The following ERC1 variants were observed in gnomAD, a reference collection of about 807,000 sequenced individuals.
ERC1 encodes RAB6 interacting protein 2.
Under a neutral mutation model 132.0 loss-of-function variants are expected in ERC1, and 56 were observed. That is an observed-to-expected ratio of 0.42 (90% confidence interval 0.34 to 0.53). The LOEUF (loss-of-function observed/expected upper bound fraction) is 0.53, where lower values mean the gene tolerates loss of function less well. ERC1 is among the 20% of genes least tolerant of loss of function. The pLI is 0.03. For missense variants in ERC1, 1,202 were observed against 1,349.9 expected (o/e 0.89, Z 1.72); for synonymous variants, 478 against 476.1 (o/e 1.00, Z -0.05).
At chr12:1,204,078 A>G (rs553581375) in intron 12 of ERC1, 2 of 157,032 alleles carry the variant, frequency 1.3e-5, no homozygotes, top group South Asian at 4.0e-4. Context: ...GGGGTGGTTA[A>G]GGCGTAGTTA....
chr12:1,081,995 G>A (rs57474578), intron 2 of ERC1, among the ~76,000 whole-genome samples: 1 of 150,966 alleles, frequency 6.6e-6, no homozygotes, highest in African/African-American at 2.4e-5. Flanking sequence ...ATACTTAAAA[G>A]TCATTTTGTA....
At chr12:1,252,563 A>G (rs1005967985) in intron 13 of ERC1, among the ~76,000 whole-genome samples, 2 of 152,202 alleles carry the variant, frequency 1.3e-5, no homozygotes, top group Non-Finnish European at 2.9e-5. Context: ...GATATAAAGC[A>G]TCATTTTTAT....
rs764430579 is a variant in ERC1 at position 1,183,296 on chromosome 12, C to T, written c.2032C>T (p.Leu678=). 23 of 1,560,908 alleles carry T rather than the reference C, an allele frequency of 1.5e-5. No homozygotes were observed. Among genetic ancestry groups the T allele is most frequent in the African/African-American group, 4.0e-5 (3 of 74,184 alleles). ...LSEKEASLLD[L]KEHASSLASS... The stretch of plus-strand genomic sequence containing the variant: ...CTTCTTTTAGGCTTCACTTTTGGAT[C>T]TGAAAGAGCATGCTTCTTCTCTGGC... The change falls in exon 11 of 19, where the codon CTG becomes TTG. Residue 678 remains leucine, a synonymous_variant. Transcript: ENST00000360905.
rs1244773269 is a variant in ERC1, at chr12:1,407,819, T to TCTC, written c.2926-328_2926-327insCCT. Among the ~76,000 whole-genome samples, 3 of 151,640 alleles carry TCTC rather than the reference T, an allele frequency of 2.0e-5. No homozygotes were observed. In the East Asian group the frequency reaches 5.8e-4, roughly 29 times the overall value. On this transcript the variant is annotated intron_variant, in intron 16 of 18. Transcript: ENST00000360905. ...ATAAAGAGAAATCCCTCTATTTTTCTCTTCTTCTTCTTACGAAGCCCAGTC... is the reference window on the plus strand; with the variant it reads ...ATAAAGAGAAATCCCTCTATTTTTCTCTCCTTCTTCTTCTTACGAAGCCCAGTC...
intron 12 of ERC1, among the ~76,000 whole-genome samples, chr12:1,234,954 G>A (rs1007318813): frequency 3.3e-5 from 5 of 152,146 alleles, no homozygotes; most frequent in Non-Finnish European, 5.9e-5. Flanking sequence ...TGACTGCAAC[G>A]TGAAAGACAA....
intron 17 of ERC1, chr12:1,410,358 C>T: frequency 9.1e-7 from 1 of 1,098,784 alleles, no homozygotes; most frequent in Non-Finnish European, 1.2e-6. Context: ...TGCCCTGGGG[C>T]ATTGCCCCCT....
Position 1,227,323 on chromosome 12 carries a change from C to T in ERC1, c.2352-9446C>T, listed in dbSNP as rs553616749. Among the ~76,000 whole-genome samples, 129 of 152,324 alleles carry T rather than the reference C, an allele frequency of 8.5e-4. 2 individuals carry two copies. The highest frequency in any genetic ancestry group is 3.4e-3 in the Middle Eastern group (1 of 294). ...TTTTGTCTTTTTCATAGTATCCATT[C>T]TAACTGGTATGAGGTGATATCTCAT... On this transcript the variant is annotated intron_variant, in intron 12 of 18. Transcript: ENST00000360905.
At chr12:1,370,833 A>G (rs1321657441) in intron 15 of ERC1, among the ~76,000 whole-genome samples, 1 of 151,954 alleles carries the variant, frequency 6.6e-6, no homozygotes, top group Non-Finnish European at 1.5e-5. Context: ...AGATCCTCCT[A>G]CCTTAGTCTC....
chr12:1,142,696 G>T (rs1409666811), intron 8 of ERC1, among the ~76,000 whole-genome samples: 1 of 152,214 alleles, frequency 6.6e-6, no homozygotes, highest in African/African-American at 2.4e-5. Context: ...AACAATGTCA[G>T]TGTAGTTGGA....
At chr12:1,146,308 G>GTTTTT (rs1172108036) in intron 8 of ERC1, among the ~76,000 whole-genome samples, 1,611 of 31,480 alleles carry the variant, frequency 0.051, 192 homozygotes, top group Non-Finnish European at 0.072. Context: ...TATTTTACTG[G>GTTTTT]TTTTTTTTTT....
intron 18 of ERC1, chr12:1,480,723 CAGGTGTGGGAGG>C (rs1167896708): frequency 3.1e-6 from 2 of 641,910 alleles, no homozygotes; most frequent in Admixed American, 2.1e-5. Flanking sequence ...GGAAGATAAG[CAGGTGTGGGAGG>C]GGGTGTGGGT....
chr12:1,436,554 T>C (rs58310508), intron 17 of ERC1, among the ~76,000 whole-genome samples: 6,827 of 152,294 alleles, frequency 0.045, 492 homozygotes, highest in African/African-American at 0.16. Context: ...GAGGTTATTA[T>C]ACTCTTTTGC....
At chr12:1,069,723 C>A (rs1473310749) in intron 2 of ERC1, among the ~76,000 whole-genome samples, 5 of 152,086 alleles carry the variant, frequency 3.3e-5, no homozygotes, top group Non-Finnish European at 7.4e-5. Context: ...TTGGGAAACA[C>A]CTCATAATCA....
At chr12:1,175,325 C>T (rs954697970) in intron 8 of ERC1, among the ~76,000 whole-genome samples, 1 of 152,178 alleles carries the variant, frequency 6.6e-6, no homozygotes, top group Non-Finnish European at 1.5e-5. Context: ...ATTTTACCCA[C>T]AGTAGAATTT....
intron 7 of ERC1, among the ~76,000 whole-genome samples, chr12:1,118,198 C>T (rs1339780466): frequency 5.3e-5 from 8 of 152,168 alleles, no homozygotes; most frequent in South Asian, 4.1e-4. Flanking sequence ...AGAGGTCAGC[C>T]GCACTTCCAA....
intron 3 of ERC1, among the ~76,000 whole-genome samples, chr12:1,095,986 C>T (rs986013900): frequency 1.0e-4 from 15 of 148,884 alleles, no homozygotes; most frequent in South Asian, 6.3e-4. Flanking sequence ...AGTGCAGTGG[C>T]GTGATCTTGG....
intron 16 of ERC1, among the ~76,000 whole-genome samples, chr12:1,373,504 G>A (rs534314532): frequency 1.0e-3 from 154 of 152,302 alleles, no homozygotes; most frequent in African/African-American, 3.4e-3. Context: ...GAAATTGGCC[G>A]GGCACGGTGG....
chr12:1,055,068 A>G (rs991045643), intron 2 of ERC1, among the ~76,000 whole-genome samples: 39 of 152,320 alleles, frequency 2.6e-4, no homozygotes, highest in Middle Eastern at 3.4e-3. Context: ...AAACAAAACA[A>G]AACAAAAAAA....
chr12:1,255,969 G>A (rs2076785579), intron 13 of ERC1, among the ~76,000 whole-genome samples: 1 of 151,890 alleles, frequency 6.6e-6, no homozygotes, highest in Non-Finnish European at 1.5e-5. Flanking sequence ...ATCTCATTGT[G>A]GTTTTGATTT....
Sources: allele counts gnomAD v4.1 joint callset (sites outside exome capture counted in the v4.1 genomes callset), GRCh38; gene constraint gnomAD v4.1.1; transcripts MANE v1.5; gene names NCBI Gene and HGNC (gene_info 2026-07-23, HGNC 2026-07-21).